Variants in CRLF2 observed in about 807,000 individuals in gnomAD.
CRLF2 encodes the protein cytokine receptor-like factor 2.
A neutral mutation model predicts 38.7 loss-of-function variants in CRLF2; 41 were observed. That is an observed-to-expected ratio of 1.06 (90% confidence interval 0.83 to 1.37). The LOEUF is 1.37. CRLF2 is among the 40% of genes most tolerant of loss of function. CRLF2 has a pLI of 0.00. For synonymous variants in CRLF2, 140 were observed against 128.8 expected (o/e 1.09, Z -0.59); for missense variants, 377 against 322.2 (o/e 1.17, Z -1.30).
At chrX:1,209,387 A>G (rs1360496078) in intron 1 of CRLF2, among the ~76,000 whole-genome samples, 2 of 151,198 alleles carry the variant, frequency 1.3e-5, no homozygotes, top group African/African-American at 4.9e-5. Flanking sequence ...GCTGGACTGC[A>G]GTGGCGCAAT....
At chrX:1,198,785 T>C (rs1303100598) in intron 4 of CRLF2, 61 bp from the exon 5 acceptor site, 8 of 935,702 alleles carry the variant, frequency 8.5e-6, no homozygotes, top group East Asian at 3.7e-5. Flanking sequence ...ACACACACAA[T>C]GATTAGTGAT....
At chrX:1,197,513 C>G (rs1256522509) in intron 5 of CRLF2, among the ~76,000 whole-genome samples, 1 of 151,866 alleles carries the variant, frequency 6.6e-6, no homozygotes, top group Admixed American at 6.6e-5. Context: ...TAAATCATGC[C>G]CCCTGAAAAC....
chrX:1,206,563 G>A lies in CRLF2; in HGVS notation c.219C>T (p.Asn73=), dbSNP rs1441806824. ...NGDEAYDQCT[N]YLLQEGHTSG... Reference sequence around the variant, plus strand: ...AAGTGTGACCTTCCTGGAGAAGGTAGTTGGTGCACTGGTCATAGGCCTCAT... The same window carrying A: ...AAGTGTGACCTTCCTGGAGAAGGTAATTGGTGCACTGGTCATAGGCCTCAT... The change falls in exon 3 of 8, where the codon AAC becomes AAT. Residue 73 remains asparagine (N), a synonymous_variant. Transcript: ENST00000400841. The A allele has an allele frequency of 6.2e-7, 1 of 1,613,582 alleles. No homozygotes were observed. The highest frequency in any genetic ancestry group is 2.2e-5 in the East Asian group (1 of 44,888).
chrX:1,212,539 G>T lies in CRLF2; in HGVS notation c.79+17C>A. The T allele has an allele frequency of 6.3e-7, 1 of 1,592,486 alleles. No individual in the cohort carries two copies. Among genetic ancestry groups the T allele is most frequent in the Admixed American group, 1.7e-5 (1 of 59,664 alleles). ...ACAAACCAAAATACAACAAGAAGAGGGTGTTTAAATAATTACCTGCTCCTC... is the reference window on the plus strand; with the variant it reads ...ACAAACCAAAATACAACAAGAAGAGTGTGTTTAAATAATTACCTGCTCCTC... On this transcript the variant is annotated intron_variant, in intron 1 of 7. Coordinates refer to ENST00000400841, the MANE Select transcript of CRLF2 (RefSeq NM_022148.4).
In CRLF2 at chrX:1,196,858, G is replaced by T. The variant is rs372481844; in HGVS notation, c.689C>A (p.Ser230Tyr). The T allele has an allele frequency of 6.2e-7, 1 of 1,613,516 alleles. No individual in the cohort carries two copies. Among genetic ancestry groups the T allele is most frequent in the Admixed American group, 1.7e-5 (1 of 59,940 alleles). Residue 230 changes from serine to tyrosine, a missense_variant, in exon 6 of 8, where the codon TCC (serine) becomes TAC (tyrosine). Ser to Tyr is a moderately radical substitution (Grantham distance 144). Coordinates refer to ENST00000400841, the MANE Select transcript of CRLF2 (RefSeq NM_022148.4). ...CAGGCTGGAAATTAAAATAAATTTG[G>T]ACAGCTTTGGTTTGGGAGGCGTTGG... ...ETPTPPKPKL[S>Y]KFILISSLAI...
intron 2 of CRLF2, among the ~76,000 whole-genome samples, chrX:1,207,689 G>T (rs1478506390): frequency 6.7e-6 from 1 of 148,630 alleles, no homozygotes; most frequent in Non-Finnish European, 1.5e-5. Flanking sequence ...AGACAGTCTC[G>T]CTCTGTCGGC....
intron 6 of CRLF2, among the ~76,000 whole-genome samples, chrX:1,195,594 TCAGA>T (rs2086459873): frequency 6.7e-6 from 1 of 148,672 alleles, no homozygotes; most frequent in African/African-American, 2.4e-5. Context: ...TTCCTTTTTT[TCAGA>T]CAGAGTTTCA....
At chrX:1,204,420 G>C (rs1185439239) in intron 3 of CRLF2, among the ~76,000 whole-genome samples, 3 of 151,696 alleles carry the variant, frequency 2.0e-5, no homozygotes, top group Non-Finnish European at 4.4e-5. Context: ...TAGAGATGGA[G>C]TTTCTCCATG....
intron 4 of CRLF2, among the ~76,000 whole-genome samples, chrX:1,200,948 G>A (rs1352619814): frequency 1.3e-5 from 2 of 151,870 alleles, no homozygotes; most frequent in Non-Finnish European, 2.9e-5. Context: ...ATTGTGAGGT[G>A]ATTTCTTCAT....
In CRLF2 at chrX:1,212,559, C is replaced by T. The variant is rs1367202237; in HGVS notation, c.76G>A (p.Ala26Thr). Residue 26 changes from alanine to threonine, a missense_variant, in exon 1 of 8, where the codon GCA becomes ACA. Coordinates refer to ENST00000400841, the MANE Select transcript of CRLF2 (RefSeq NM_022148.4). ...GGWMALGQGG[A>T]AEGVQIQIIY... is the part of the protein sequence containing the mutation. The stretch of plus-strand genomic sequence containing the variant: ...AAGAGGGTGTTTAAATAATTACCTG[C>T]TCCTCCTTGCCCCAAAGCCATCCAG... The T allele has an allele frequency of 6.2e-6, 10 of 1,611,094 alleles. No homozygotes were observed. Among genetic ancestry groups the T allele is most frequent in the Non-Finnish European group, 8.5e-6 (10 of 1,177,844 alleles).
rs1475224594 is a variant in CRLF2, at chrX:1,192,184, G to C, written c.853-1024C>G. The stretch of plus-strand genomic sequence containing the variant: ...CCCGCCACTGCACTCCAGCCTGGGC[G>C]ACAGAGCGAGACTCCGTCTCAAAAA... On this transcript the variant is annotated intron_variant, in intron 7 of 7. Coordinates refer to ENST00000400841, the MANE Select transcript of CRLF2 (RefSeq NM_022148.4). 5.1e-4 allele frequency among the ~76,000 whole-genome samples: 64 copies of C among 124,608 alleles called. No individual in the cohort carries two copies. The South Asian group carries it at 9.8e-3, about 19-fold the overall frequency. 81.7% of individuals were successfully genotyped at this position (124,608 alleles called of 152,430 possible).
At position 1,190,530 on chromosome X, in the gene CRLF2, A is replaced by T. The variant is rs1438717871; in HGVS notation, c.*367T>A. On this transcript the variant is annotated 3_prime_UTR_variant, in exon 8 of 8. Transcript: ENST00000400841. ...AAAAATCCTCCGAGAATCCAATGCT[A>T]TGGGAATGGTACATGGACGGAACTG... The T allele has an allele frequency of 3.6e-6, 1 of 275,216 alleles. No homozygotes were observed. Among genetic ancestry groups the T allele is most frequent in the Non-Finnish European group, 6.8e-6 (1 of 147,340 alleles). 17.0% of individuals were successfully genotyped at this position (275,216 alleles called of 1,614,324 possible). A position where few individuals can be genotyped will look rare whatever the true frequency, so the allele number is the denominator to read the frequency against.
chrX:1,204,770 G>A lies in CRLF2; in HGVS notation c.349+1663C>T, dbSNP rs781328824. On this transcript the variant is annotated intron_variant, in intron 3 of 7. Coordinates refer to ENST00000400841, the MANE Select transcript of CRLF2 (RefSeq NM_022148.4). The stretch of plus-strand genomic sequence containing the variant: ...TCGAACTCCAGACCTCAAGTGATCC[G>A]CCCGCCTTGGTCTCCCAAAGTACCG... Among the ~76,000 whole-genome samples the A allele has an allele frequency of 8.9e-5, 13 of 145,358 alleles. No homozygotes were observed. In the South Asian group the frequency reaches 2.8e-3, roughly 32 times the overall value.
chrX:1,211,501 ATAAAAGTG>A (rs2086800934), intron 1 of CRLF2, among the ~76,000 whole-genome samples: 9 of 45,714 alleles, frequency 2.0e-4, no homozygotes, highest in East Asian at 6.4e-4. Context: ...GGATAAGTGG[ATAAAAGTG>A]TGGGTGAATG....
intron 1 of CRLF2, among the ~76,000 whole-genome samples, chrX:1,211,377 A>ATGGATGGG (rs2086797503): frequency 6.7e-6 from 1 of 148,646 alleles, no homozygotes; most frequent in Non-Finnish European, 1.5e-5. Flanking sequence ...GGATGGATGG[A>ATGGATGGG]TGGATGGATG....
intron 3 of CRLF2, 136 bp from the exon 4 acceptor site, chrX:1,202,671 A>G: frequency 2.0e-6 from 2 of 994,502 alleles, no homozygotes; most frequent in Non-Finnish European, 1.5e-6. Context: ...ACCCGTCCTC[A>G]TTACTTTTAT....
chrX:1,202,419 A>G lies in CRLF2; in HGVS notation c.466T>C (p.Phe156Leu). Residue 156 changes from phenylalanine to leucine, a missense_variant, in exon 4 of 8, where the codon TTC (phenylalanine) becomes CTC (leucine). By Grantham distance (22) the Phe-to-Leu change is conservative (BLOSUM62 0). Transcript: ENST00000400841. ...CGGCTCACCTGCCACTCGGTGTCGA[A>G]GGGGCTCCGGTACTGAACCTCATAG... ...LLYEVQYRSP[F>L]DTEWQSKQEN... is the part of the protein sequence containing the mutation. The G allele has an allele frequency of 6.2e-7, 1 of 1,613,630 alleles. No individual in the cohort carries two copies. The highest frequency in any genetic ancestry group is 8.5e-7 in the Non-Finnish European group (1 of 1,179,592).
At chrX:1,195,754 T>C (rs2086461838) in intron 6 of CRLF2, among the ~76,000 whole-genome samples, 1 of 133,632 alleles carries the variant, frequency 7.5e-6, no homozygotes, top group African/African-American at 2.6e-5. Flanking sequence ...AATATATATA[T>C]ATTTTTATAT....
intron 4 of CRLF2, among the ~76,000 whole-genome samples, chrX:1,200,583 A>G (rs1198897681): frequency 0.15 from 7,393 of 50,084 alleles, 2,037 homozygotes; most frequent in East Asian, 0.34. Context: ...GTGTGTGTGT[A>G]TATATGTGTG....
Sources: gnomAD v4.1 joint callset for allele counts (sites outside exome capture counted in the v4.1 genomes callset) on GRCh38, gnomAD v4.1.1 for gene constraint, MANE v1.5 for transcripts, NCBI Gene and HGNC (gene_info 2026-07-23, HGNC 2026-07-21) for gene names.